CELF4: variants seen among roughly 807,000 people sequenced by gnomAD.
The protein encoded by CELF4 is CUG-BP- and ETR-3-like factor 4.
Under a neutral mutation model 59.9 loss-of-function variants are expected in CELF4, and 18 were observed. That is an observed-to-expected ratio of 0.30 (90% CI 0.21 to 0.45). The LOEUF is 0.45. Among genes scored for constraint, CELF4 ranks in the 20% least tolerant of loss-of-function variants. The pLI is 1.00. For missense variants in CELF4, 456 were observed against 689.0 expected, an observed-to-expected ratio of 0.66 and a Z score of 3.79; for synonymous variants, 261 against 267.1, an observed-to-expected ratio of 0.98 and a Z score of 0.22.
intron 1 of CELF4, among the ~76,000 whole-genome samples, chr18:37,516,682 G>T (rs1042429888): frequency 6.6e-6 from 1 of 152,222 alleles, no homozygotes. Context: ...GAACACATAT[G>T]TGTGGCAGAA....
At chr18:37,440,347 C>T (rs926589963) in intron 2 of CELF4, among the ~76,000 whole-genome samples, 9 of 152,124 alleles carry the variant, frequency 5.9e-5, no homozygotes, top group Admixed American at 1.3e-4. Context: ...AGGGCAGGCA[C>T]GTCCTTGCTC....
At chr18:37,531,897 C>T (rs1457266393) in intron 1 of CELF4, among the ~76,000 whole-genome samples, 1 of 152,176 alleles carries the variant, frequency 6.6e-6, no homozygotes, top group East Asian at 1.9e-4. Context: ...CTTCCCTGCC[C>T]CTCCAACAGG....
In CELF4 at chr18:37,253,544, C is replaced by T. The variant is rs968599257; in HGVS notation, c.*44+223G>A. Reference sequence around the variant, plus strand: ...CCCGCCCGGAGTGGCTCCCTCACTCCTGCCCCTGGTGGCCCTGCCACAGGG... The same window carrying T: ...CCCGCCCGGAGTGGCTCCCTCACTCTTGCCCCTGGTGGCCCTGCCACAGGG... On this transcript the variant is annotated intron_variant, in intron 12 of 12. Coordinates refer to ENST00000420428, the MANE Select transcript of CELF4 (RefSeq NM_020180.4). This position sits in a 1 kb window ranked among gnomAD's most constrained non-coding sequence, Gnocchi z 4.5. 1.3e-5 allele frequency among the ~76,000 whole-genome samples: 2 copies of T among 152,216 alleles called. No homozygotes were observed. Among genetic ancestry groups the T allele is most frequent in the Non-Finnish European group, 2.9e-5 (2 of 68,038 alleles).
At chr18:37,409,407 G>C (rs1158154803) in intron 2 of CELF4, among the ~76,000 whole-genome samples, 1 of 152,188 alleles carries the variant, frequency 6.6e-6, no homozygotes, top group African/African-American at 2.4e-5. Flanking sequence ...CTCATTGTGG[G>C]GGAGGGTTGG....
At chr18:37,476,357 A>C (rs2099848994) in intron 2 of CELF4, among the ~76,000 whole-genome samples, 1 of 152,226 alleles carries the variant, frequency 6.6e-6, no homozygotes, top group Non-Finnish European at 1.5e-5. Context: ...TCCTTCAGCC[A>C]CCAGAAGGGG....
At chr18:37,466,605 A>G (rs1603641888) in intron 2 of CELF4, among the ~76,000 whole-genome samples, 1 of 152,168 alleles carries the variant, frequency 6.6e-6, no homozygotes, top group African/African-American at 2.4e-5. Flanking sequence ...CAGCATTTCA[A>G]TAGCCTCACA....
chr18:37,260,571 T>A (rs545297664), intron 10 of CELF4, among the ~76,000 whole-genome samples: 1 of 152,212 alleles, frequency 6.6e-6, no homozygotes, highest in Non-Finnish European at 1.5e-5. Flanking sequence ...GGCCGCTGCA[T>A]GGCTTTCACG....
intron 1 of CELF4, among the ~76,000 whole-genome samples, chr18:37,510,973 C>T (rs975568547): frequency 1.3e-5 from 2 of 152,124 alleles, no homozygotes; most frequent in East Asian, 1.9e-4. Context: ...TAGGCCATTA[C>T]CCAGGGGCAC....
At chr18:37,467,080 AGT>A (rs1358998061) in intron 2 of CELF4, among the ~76,000 whole-genome samples, 1 of 152,148 alleles carries the variant, frequency 6.6e-6, no homozygotes, top group Non-Finnish European at 1.5e-5. Flanking sequence ...GGTATTCAGG[AGT>A]GTGAGTCTCA....
intron 2 of CELF4, among the ~76,000 whole-genome samples, chr18:37,470,877 T>TGAGAGAGAGA (rs1569569550): frequency 2.1e-4 from 20 of 97,074 alleles, no homozygotes; most frequent in South Asian, 3.8e-4. Context: ...TGTGTGTGTG[T>TGAGAGAGAGA]GTGTGTGTGT....
At chr18:37,294,646 A>G (rs1298186116) in intron 3 of CELF4, among the ~76,000 whole-genome samples, 1 of 152,206 alleles carries the variant, frequency 6.6e-6, no homozygotes, top group African/African-American at 2.4e-5. Flanking sequence ...TAATTTTTAG[A>G]ATCCAGCCTC....
intron 2 of CELF4, among the ~76,000 whole-genome samples, chr18:37,323,718 C>G (rs1044226808): frequency 6.6e-6 from 1 of 152,212 alleles, no homozygotes; most frequent in Admixed American, 6.5e-5. Context: ...AGTTCCAGCC[C>G]TGATGCTCTC....
At chr18:37,511,241 G>C in intron 1 of CELF4, among the ~76,000 whole-genome samples, 1 of 152,022 alleles carries the variant, frequency 6.6e-6, no homozygotes, top group East Asian at 1.9e-4. Context: ...TGCATCAGCT[G>C]CCCTCCACAG....
At chr18:37,314,405 A>G (rs1338231133) in intron 3 of CELF4, among the ~76,000 whole-genome samples, 1 of 152,140 alleles carries the variant, frequency 6.6e-6, no homozygotes, top group Non-Finnish European at 1.5e-5. Flanking sequence ...CAGTGAGCCT[A>G]GATAGCACCA....
At chr18:37,418,244 G>T (rs1378974504) in intron 2 of CELF4, among the ~76,000 whole-genome samples, 1 of 152,200 alleles carries the variant, frequency 6.6e-6, no homozygotes, top group East Asian at 1.9e-4. Flanking sequence ...GGTGGGCAGT[G>T]GGGGACATTG....
intron 2 of CELF4, among the ~76,000 whole-genome samples, chr18:37,395,998 C>G (rs1359600858): frequency 1.3e-5 from 2 of 152,238 alleles, no homozygotes; most frequent in African/African-American, 4.8e-5. Context: ...ACTCACTCCT[C>G]CTTGGCATCT....
intron 1 of CELF4, among the ~76,000 whole-genome samples, chr18:37,564,873 C>T (rs1415156139): frequency 6.6e-6 from 1 of 152,090 alleles, no homozygotes; most frequent in Admixed American, 6.5e-5. Context: ...CCCTTTTAGA[C>T]GGCTGCGCTC....
intron 3 of CELF4, among the ~76,000 whole-genome samples, chr18:37,316,207 C>G (rs1166757576): frequency 6.6e-6 from 1 of 152,158 alleles, no homozygotes; most frequent in Non-Finnish European, 1.5e-5. Context: ...GGTATCATCA[C>G]CTCTGAGGGG....
intron 3 of CELF4, among the ~76,000 whole-genome samples, chr18:37,284,449 G>T (rs757268015): frequency 1.3e-5 from 2 of 152,108 alleles, no homozygotes; most frequent in Non-Finnish European, 2.9e-5. Context: ...TCTCGCCTGC[G>T]CCTGGCCTCA....
Sources: allele counts gnomAD v4.1 joint callset (sites outside exome capture counted in the v4.1 genomes callset), GRCh38; gene constraint gnomAD v4.1.1; non-coding constraint Gnocchi (gnomAD v3.1); transcripts MANE v1.5; gene names NCBI Gene and HGNC (gene_info 2026-07-23, HGNC 2026-07-21).